The following RIC8B variants were observed in gnomAD, a reference collection of about 807,000 sequenced individuals.
RIC8B encodes chaperone Ric-8B.
Under a neutral mutation model 57.5 loss-of-function variants are expected in RIC8B, and 16 were observed. The observed-to-expected ratio is 0.28, with a 90% CI of 0.19 to 0.42. RIC8B has a LOEUF of 0.42. Among genes scored for constraint, RIC8B ranks in the 10% least tolerant of loss-of-function variants. RIC8B has a pLI of 1.00. For synonymous variants in RIC8B, 216 were observed against 250.8 expected (o/e 0.86, Z 1.31); for missense variants, 481 against 677.0 (o/e 0.71, Z 3.21).
At chr12:106,797,442 A>G (rs1408056406) in intron 2 of RIC8B, among the ~76,000 whole-genome samples, 1 of 152,236 alleles carries the variant, frequency 6.6e-6, no homozygotes, top group East Asian at 1.9e-4. Context: ...AAATTTTAGA[A>G]TAGGCAGATC....
At chr12:106,849,449 G>A (rs994381592) in intron 6 of RIC8B, among the ~76,000 whole-genome samples, 1 of 148,856 alleles carries the variant, frequency 6.7e-6, no homozygotes, top group Non-Finnish European at 1.5e-5. Context: ...TACCATGCCC[G>A]GCCAAAAATT....
chr12:106,781,136 A>T (rs1159277896), intron 1 of RIC8B, among the ~76,000 whole-genome samples: 9 of 151,846 alleles, frequency 5.9e-5, no homozygotes, highest in Admixed American at 5.9e-4. Flanking sequence ...TTTTTTTTTA[A>T]ATGGGGTTTT....
At chr12:106,803,214 TCAA>T (rs1368015173) in intron 2 of RIC8B, among the ~76,000 whole-genome samples, 2 of 84,276 alleles carry the variant, frequency 2.4e-5, no homozygotes, top group Admixed American at 1.6e-4. Context: ...ATACCCTGTC[TCAA>T]AAAAAAAAAA....
intron 2 of RIC8B, among the ~76,000 whole-genome samples, chr12:106,807,985 TGGG>T (rs1351010894): frequency 1.3e-5 from 2 of 150,522 alleles, no homozygotes; most frequent in Admixed American, 6.7e-5. Context: ...CTCAGGAGGC[TGGG>T]GCAGGAGAAT....
intron 8 of RIC8B, among the ~76,000 whole-genome samples, chr12:106,870,343 A>T (rs1950348421): frequency 1.3e-5 from 2 of 152,152 alleles, no homozygotes; most frequent in Non-Finnish European, 2.9e-5. Flanking sequence ...CTAATGGACT[A>T]ATTTCCTGAG....
At chr12:106,789,663 ATC>A (rs771552591) in intron 2 of RIC8B, among the ~76,000 whole-genome samples, 2 of 152,090 alleles carry the variant, frequency 1.3e-5, no homozygotes, top group Non-Finnish European at 2.9e-5. Context: ...GATTCAAATT[ATC>A]TCTCAGCAGG....
At chr12:106,825,558 T>G (rs2046057439) in intron 3 of RIC8B, among the ~76,000 whole-genome samples, 168 bp from the exon 4 acceptor site, 1 of 152,198 alleles carries the variant, frequency 6.6e-6, no homozygotes. Context: ...TCATAAGAGA[T>G]AGTGACTATT....
intron 9 of RIC8B, among the ~76,000 whole-genome samples, chr12:106,874,307 C>T (rs1277096047): frequency 6.6e-6 from 1 of 152,196 alleles, no homozygotes; most frequent in Non-Finnish European, 1.5e-5. Flanking sequence ...CTGCATTCAA[C>T]CAAGTCGTTA....
In RIC8B at chr12:106,886,733, C is replaced by G. The variant is rs1307946791; in HGVS notation, c.*718C>G. ...GAACACTAGTACCATAGAACTGAAC[C>G]ACCATCTGTATCAGCGCATGGGGAG... On this transcript the variant is annotated 3_prime_UTR_variant, in exon 10 of 10. Coordinates refer to ENST00000392837, the MANE Select transcript of RIC8B (RefSeq NM_001330145.2). 1 of 152,536 alleles carries G rather than the reference C, an allele frequency of 6.6e-6. No homozygotes were observed. Among genetic ancestry groups the G allele is most frequent in the Non-Finnish European group, 1.5e-5 (1 of 68,026 alleles). The allele number at this position is 152,536 out of a possible 1,614,324, so 9.4% of individuals were successfully genotyped here.
intron 9 of RIC8B, among the ~76,000 whole-genome samples, chr12:106,876,811 T>C (rs1006314525): frequency 1.3e-5 from 2 of 152,160 alleles, no homozygotes; most frequent in Admixed American, 1.3e-4. Context: ...CCTCATTCTT[T>C]AACTTTTAAT....
chr12:106,872,550 C>A (rs1330551490), intron 9 of RIC8B, among the ~76,000 whole-genome samples: 1 of 152,044 alleles, frequency 6.6e-6, no homozygotes. Context: ...TGCCTGTAAT[C>A]CCAGCTACTC....
At chr12:106,786,006 C>G (rs2044003212) in intron 2 of RIC8B, among the ~76,000 whole-genome samples, 2 of 151,656 alleles carry the variant, frequency 1.3e-5, no homozygotes, top group South Asian at 4.2e-4. Flanking sequence ...GCCACCATGC[C>G]CAGCCAATTT....
At chr12:106,802,534 ATTTTT>A (rs34706345) in intron 2 of RIC8B, among the ~76,000 whole-genome samples, 1 of 102,194 alleles carries the variant, frequency 9.8e-6, no homozygotes, top group Non-Finnish European at 1.9e-5. Context: ...CAATATGAGA[ATTTTT>A]TTTTTTTTTT....
chr12:106,790,230 C>T (rs1274432126), intron 2 of RIC8B, among the ~76,000 whole-genome samples: 1 of 152,194 alleles, frequency 6.6e-6, no homozygotes, highest in Non-Finnish European at 1.5e-5. Context: ...CAATAGCTCC[C>T]TCTTATTACC....
chr12:106,878,901 C>T (rs1950798520), intron 9 of RIC8B: 1 of 827,462 alleles, frequency 1.2e-6, no homozygotes, highest in Admixed American at 6.3e-5. Context: ...ATGCAGTACT[C>T]AATTAGAGGG....
At chr12:106,825,982 C>A (rs907982155) in intron 4 of RIC8B, among the ~76,000 whole-genome samples, 162 bp downstream of exon 4, 2 of 152,132 alleles carry the variant, frequency 1.3e-5, no homozygotes, top group African/African-American at 4.8e-5. Context: ...CATTACTATG[C>A]CCTGATGAGA....
At chr12:106,883,291 A>G (rs1183940465) in intron 9 of RIC8B, among the ~76,000 whole-genome samples, 2 of 152,166 alleles carry the variant, frequency 1.3e-5, no homozygotes, top group Non-Finnish European at 2.9e-5. Flanking sequence ...TTCAGTTGTT[A>G]ATATGTAGTG....
rs188826664 is a variant in RIC8B at position 106,830,952 on chromosome 12, A to G, written c.836+5132A>G. Among the ~76,000 whole-genome samples the G allele has an allele frequency of 1.1e-4, 17 of 152,326 alleles. No individual in the cohort carries two copies. The East Asian group carries it at 2.9e-3, about 26-fold the overall frequency. On this transcript the variant is annotated intron_variant, in intron 4 of 9. Transcript: ENST00000392837. ...GCTAATAGAATTCAAAGGGCAATGT[A>G]AGTATGGTCTGTCATGATGAAGAAA... is the stretch of plus-strand genomic sequence containing the variant.
chr12:106,869,650 AAACT>A (rs1417428714), intron 8 of RIC8B, among the ~76,000 whole-genome samples: 1 of 152,222 alleles, frequency 6.6e-6, no homozygotes, highest in African/African-American at 2.4e-5. Flanking sequence ...CATTAAAAAC[AAACT>A]ATCTGCTAGG....
Sources: gnomAD v4.1 joint callset for allele counts (sites outside exome capture counted in the v4.1 genomes callset) on GRCh38, gnomAD v4.1.1 for gene constraint, MANE v1.5 for transcripts, NCBI Gene and HGNC (gene_info 2026-07-23, HGNC 2026-07-21) for gene names.